NRXN1: variants seen among roughly 807,000 people sequenced by gnomAD.
The protein encoded by NRXN1 is neurexin 1.
Under a neutral mutation model 150.9 loss-of-function variants are expected in NRXN1, and 39 were observed. The observed-to-expected ratio is 0.26, with a 90% CI of 0.20 to 0.34. The LOEUF (loss-of-function observed/expected upper bound fraction) is 0.34. NRXN1 is among the 10% of genes least tolerant of loss of function. The pLI is 1.00. For synonymous variants in NRXN1, 924 were observed against 757.0 expected, an observed-to-expected ratio of 1.22 and a Z score of -3.62; for missense variants, 1,815 against 1,949.9, an observed-to-expected ratio of 0.93 and a Z score of 1.30.
chr2:50,150,735 C>A (rs1484448327), intron 18 of NRXN1, among the ~76,000 whole-genome samples: 1 of 151,690 alleles, frequency 6.6e-6, no homozygotes, highest in Non-Finnish European at 1.5e-5. Flanking sequence ...CCTCCTTTTA[C>A]AGGAACATGA....
chr2:50,134,556 C>G lies in NRXN1; in HGVS notation c.3547-43062G>C, dbSNP rs1012474913. 2.6e-5 allele frequency among the ~76,000 whole-genome samples: 4 copies of G among 152,108 alleles called. No individual in the cohort carries two copies. The East Asian group carries it at 7.7e-4, about 29-fold the overall frequency. On this transcript the variant is annotated intron_variant, in intron 18 of 22. Coordinates refer to ENST00000401669, the MANE Select transcript of NRXN1 (RefSeq NM_001330078.2). ...TTCAGGTTAAGTGCTGATCAATAAC[C>G]TGGAAATCAAAAGAACCGATCACAG...
At position 51,010,580 on chromosome 2, in the gene NRXN1, T is replaced by C. The variant is rs1001177375; in HGVS notation, c.772+16922A>G. The stretch of plus-strand genomic sequence containing the variant: ...TGCAATGAGTACCAGTGCTAATATA[T>C]TTGTGAGGCTTGTTCAGGTATTTCT... On this transcript the variant is annotated intron_variant, in intron 2 of 22. Transcript: ENST00000401669. Among the ~76,000 whole-genome samples the C allele has an allele frequency of 1.1e-4, 16 of 152,132 alleles. No individual in the cohort carries two copies. In the East Asian group the frequency reaches 2.9e-3, roughly 28 times the overall value.
chr2:50,911,751 C>A (rs551017039), intron 5 of NRXN1, among the ~76,000 whole-genome samples: 1 of 151,956 alleles, frequency 6.6e-6, no homozygotes, highest in Non-Finnish European at 1.5e-5. Context: ...CATAGGTGGG[C>A]ATTACATACA....
chr2:50,528,112 G>A (rs528294918), intron 12 of NRXN1, among the ~76,000 whole-genome samples: 18 of 152,202 alleles, frequency 1.2e-4, no homozygotes, highest in Non-Finnish European at 2.5e-4. Context: ...GATATGATTA[G>A]GATGTAAAAA....
chr2:50,540,450 A>T (rs1417715196), intron 9 of NRXN1, among the ~76,000 whole-genome samples: 1 of 152,164 alleles, frequency 6.6e-6, no homozygotes, highest in Non-Finnish European at 1.5e-5. Flanking sequence ...CGATCATTAC[A>T]CGCATTTTAA....
At chr2:51,009,360 T>C (rs550372148) in intron 2 of NRXN1, 18 of 152,098 alleles carry the variant, frequency 1.2e-4, no homozygotes, top group African/African-American at 4.3e-4. Context: ...ATTTGGAAAC[T>C]GCAAAATGAG....
chr2:50,188,399 A>G (rs2061227406), intron 18 of NRXN1, among the ~76,000 whole-genome samples: 1 of 152,206 alleles, frequency 6.6e-6, no homozygotes, highest in African/African-American at 2.4e-5. Context: ...CTGAAATGTA[A>G]GACCTAAAAC....
chr2:50,840,962 A>G (rs1672781595), intron 5 of NRXN1: 1 of 152,512 alleles, frequency 6.6e-6, no homozygotes, highest in Non-Finnish European at 1.5e-5. Context: ...AGAAGTGCTA[A>G]TTAGAACTGG....
chr2:50,283,463 A>T (rs1235988604), intron 17 of NRXN1, among the ~76,000 whole-genome samples: 2 of 152,188 alleles, frequency 1.3e-5, no homozygotes, highest in East Asian at 3.8e-4. Flanking sequence ...GCCAAAATGA[A>T]TCAATAACTT....
intron 5 of NRXN1, among the ~76,000 whole-genome samples, chr2:50,720,320 G>C (rs1400191264): frequency 6.6e-6 from 1 of 151,946 alleles, no homozygotes; most frequent in Non-Finnish European, 1.5e-5. Context: ...TCTCTTTCAG[G>C]GTACCTCCCT....
chr2:50,728,729 T>C (rs1319033127), intron 5 of NRXN1, among the ~76,000 whole-genome samples: 1 of 152,184 alleles, frequency 6.6e-6, no homozygotes, highest in African/African-American at 2.4e-5. Flanking sequence ...ATCATTGTTC[T>C]GGAGGGCAAC....
intron 5 of NRXN1, among the ~76,000 whole-genome samples, chr2:50,636,571 C>T (rs1419988015): frequency 6.6e-6 from 1 of 152,154 alleles, no homozygotes; most frequent in African/African-American, 2.4e-5. Context: ...AGGCAACATG[C>T]TAGAGTTAAA....
chr2:50,690,110 C>G (rs1432765350), intron 5 of NRXN1, among the ~76,000 whole-genome samples: 2 of 152,028 alleles, frequency 1.3e-5, no homozygotes, highest in Non-Finnish European at 2.9e-5. Context: ...TGGTCTAGAC[C>G]TCTTGACATC....
chr2:49,949,073 C>T (rs1038183604), intron 21 of NRXN1, among the ~76,000 whole-genome samples: 1 of 151,936 alleles, frequency 6.6e-6, no homozygotes, highest in Non-Finnish European at 1.5e-5. Context: ...GAAATAAAGG[C>T]TGTAAAACTT....
At chr2:50,105,654 A>G (rs1204011755) in intron 18 of NRXN1, among the ~76,000 whole-genome samples, 1 of 152,040 alleles carries the variant, frequency 6.6e-6, no homozygotes, top group Non-Finnish European at 1.5e-5. Flanking sequence ...AACATTTGTG[A>G]CTGAAATAGG....
Position 50,619,953 on chromosome 2 carries a change from T to C in NRXN1, c.1320+69A>G, listed in dbSNP as rs2104238373. 2.2e-6 allele frequency: 3 copies of C among 1,374,098 alleles called. No homozygotes were observed. In the African/African-American group the frequency reaches 4.3e-5, roughly 20 times the overall value. The allele number at this position is 1,374,098 out of a possible 1,614,324, so 85.1% of individuals were successfully genotyped here. On this transcript the variant is annotated intron_variant, in intron 8 of 22. Transcript: ENST00000401669. The stretch of plus-strand genomic sequence containing the variant: ...TGGAACATCGGGTCTTCAGCAAAGG[T>C]GCTTTCATGCTGGATCTGAAATGAT...
Position 50,318,520 on chromosome 2 carries a change from C to A in NRXN1, c.3365-81550G>T, listed in dbSNP as rs1365783449. Among the ~76,000 whole-genome samples the A allele has an allele frequency of 2.0e-5, 3 of 152,016 alleles. No individual in the cohort carries two copies. The South Asian group carries it at 6.2e-4, about 31-fold the overall frequency. ...GGAGCACTGTTTGTAAGAGCAAACA[C>A]TCAAAACCACCCAAATATCCATGAG... On this transcript the variant is annotated intron_variant, in intron 17 of 22. Transcript: ENST00000401669.
At chr2:50,262,439 T>G (rs1281280089) in intron 17 of NRXN1, among the ~76,000 whole-genome samples, 1 of 151,914 alleles carries the variant, frequency 6.6e-6, no homozygotes, top group African/African-American at 2.4e-5. Context: ...TAGAACCTAG[T>G]TATGTAATTA....
intron 5 of NRXN1, among the ~76,000 whole-genome samples, chr2:50,777,854 G>C (rs570041228): frequency 5.9e-5 from 9 of 152,308 alleles, no homozygotes; most frequent in African/African-American, 2.2e-4. Flanking sequence ...CTTCTTCAAA[G>C]AGGGTAATAA....
Sources: allele counts gnomAD v4.1 joint callset (sites outside exome capture counted in the v4.1 genomes callset), GRCh38; gene constraint gnomAD v4.1.1; transcripts MANE v1.5; gene names NCBI Gene and HGNC (gene_info 2026-07-23, HGNC 2026-07-21).